CBFA2T2: variants seen among roughly 807,000 people sequenced by gnomAD.
CBFA2T2 encodes CBFA2/RUNX1 partner transcriptional co-repressor 2.
CBFA2T2 carries 11 observed loss-of-function variants against 62.2 expected under a neutral mutation model. The ratio of observed to expected loss-of-function variants is 0.18; its 90% CI spans 0.11 to 0.29. The LOEUF (loss-of-function observed/expected upper bound fraction) is 0.29. CBFA2T2 is among the 10% of genes least tolerant of loss of function. The pLI is 1.00. For synonymous variants in CBFA2T2, 295 were observed against 287.5 expected (o/e 1.03, Z -0.27); for missense variants, 592 against 774.1 (o/e 0.76, Z 2.79).
At chr20:33,621,120 T>C (rs1340156130) in intron 4 of CBFA2T2, among the ~76,000 whole-genome samples, 2 of 152,176 alleles carry the variant, frequency 1.3e-5, no homozygotes, top group Non-Finnish European at 2.9e-5. Context: ...AAGATAGTTA[T>C]TCTATCTGCG....
chr20:33,623,285 C>T lies in CBFA2T2; in HGVS notation c.681C>T (p.Pro227=). 1 of 1,614,208 alleles carries T rather than the reference C, an allele frequency of 6.2e-7. No individual in the cohort carries two copies. The highest frequency in any genetic ancestry group is 1.1e-5 in the South Asian group (1 of 91,084). The change falls in exon 5 of 11, where the codon CCC becomes CCT. Residue 227 remains proline, a synonymous_variant. Transcript: ENST00000342704. ...LMEVHGNGKR[P]SPERREENSF... Reference sequence around the variant, plus strand: ...AGGTGCACGGAAATGGGAAGAGGCCCAGTCCAGAGAGGTGAGCAGATGAGC... The same window carrying T: ...AGGTGCACGGAAATGGGAAGAGGCCTAGTCCAGAGAGGTGAGCAGATGAGC...
intron 1 of CBFA2T2, among the ~76,000 whole-genome samples, chr20:33,545,470 T>TTTCTTTCGTTCG (rs1209263074): frequency 4.6e-5 from 7 of 151,444 alleles, no homozygotes; most frequent in Admixed American, 1.3e-4. Context: ...TCTTTCTTTC[T>TTTCTTTCGTTCG]TTCGTTCGTT....
At chr20:33,577,706 G>A (rs79450408) in intron 1 of CBFA2T2, among the ~76,000 whole-genome samples, 2,006 of 152,218 alleles carry the variant, frequency 0.013, 38 homozygotes, top group African/African-American at 0.046. Context: ...TTTTGCTATA[G>A]TATGGTCTCT....
In CBFA2T2 at chr20:33,606,949, T is replaced by G; in HGVS notation, c.35-7T>G. The G allele has an allele frequency of 6.2e-7, 1 of 1,612,096 alleles. No homozygotes were observed. The highest frequency in any genetic ancestry group is 8.5e-7 in the Non-Finnish European group (1 of 1,178,968). ...ACCCTAACCTCCATTTCTCTGATTC[T>G]CTGCAGTTGGTCCTGAGAAAAGGGT... On this transcript the variant is annotated splice_region_variant and splice_polypyrimidine_tract_variant and intron_variant, in intron 1 of 10. Coordinates refer to ENST00000342704, the MANE Select transcript of CBFA2T2 (RefSeq NM_001032999.3).
rs1358376549 is a variant in CBFA2T2 at position 33,648,911 on chromosome 20, G to A, written c.*4265G>A. Reference sequence around the variant, plus strand: ...CTCGGCTTGTCACCTGCTTGCAAAGGGTATAGACATCATTCTGGGTAGTTC... The same window carrying A: ...CTCGGCTTGTCACCTGCTTGCAAAGAGTATAGACATCATTCTGGGTAGTTC... On this transcript the variant is annotated 3_prime_UTR_variant, in exon 11 of 11. Transcript: ENST00000342704. The A allele has an allele frequency of 2.0e-5, 3 of 152,058 alleles. No homozygotes were observed. The highest frequency in any genetic ancestry group is 2.0e-4 in the Admixed American group (3 of 15,254). 9.4% of individuals were successfully genotyped at this position (152,058 alleles called of 1,614,324 possible). A position where few individuals can be genotyped will look rare whatever the true frequency, so the allele number is the denominator to read the frequency against.
At chr20:33,571,261 C>T (rs34145153) in intron 1 of CBFA2T2, among the ~76,000 whole-genome samples, 44,586 of 152,070 alleles carry the variant, frequency 0.29, 6,707 homozygotes, top group East Asian at 0.35. Context: ...GTTTAAGGCT[C>T]TTCAACTTTT....
intron 1 of CBFA2T2, among the ~76,000 whole-genome samples, chr20:33,545,771 A>G (rs547822288): frequency 3.7e-4 from 56 of 152,340 alleles, no homozygotes; most frequent in African/African-American, 1.2e-3. Context: ...TTTGCAGTCT[A>G]CCATAGAAAA....
At chr20:33,496,620 T>C (rs1469736804) in intron 1 of CBFA2T2, among the ~76,000 whole-genome samples, 2 of 152,218 alleles carry the variant, frequency 1.3e-5, no homozygotes, top group African/African-American at 4.8e-5. Flanking sequence ...AAAAACTTGG[T>C]TACAAATGTT....
At chr20:33,589,831 AC>A (rs1783647074) in intron 1 of CBFA2T2, among the ~76,000 whole-genome samples, 1 of 152,156 alleles carries the variant, frequency 6.6e-6, no homozygotes, top group Non-Finnish European at 1.5e-5. Flanking sequence ...TATTCTTGTA[AC>A]CTTATTTTTT....
chr20:33,558,240 T>C (rs1264900261), intron 1 of CBFA2T2, among the ~76,000 whole-genome samples: 6 of 152,044 alleles, frequency 3.9e-5, no homozygotes, highest in Non-Finnish European at 7.4e-5. Flanking sequence ...CAAGCGATTC[T>C]CCTGCCTCGG....
At chr20:33,605,690 T>C (rs1375731823) in intron 1 of CBFA2T2, among the ~76,000 whole-genome samples, 1 of 152,186 alleles carries the variant, frequency 6.6e-6, no homozygotes, top group Non-Finnish European at 1.5e-5. Context: ...TCAGCTCTAC[T>C]TTTCATCTTT....
intron 1 of CBFA2T2, among the ~76,000 whole-genome samples, chr20:33,574,676 GGGAAGCCTGACTTCATT>G (rs2013741666): frequency 6.6e-6 from 1 of 152,188 alleles, no homozygotes; most frequent in African/African-American, 2.4e-5. Flanking sequence ...TTTTTAAGCA[GGGAAGCCTGACTTCATT>G]GGCATTTTGA....
intron 1 of CBFA2T2, among the ~76,000 whole-genome samples, chr20:33,592,110 C>A (rs1338094360): frequency 6.6e-6 from 1 of 152,066 alleles, no homozygotes; most frequent in East Asian, 1.9e-4. Flanking sequence ...TGCCTGTTAT[C>A]TCAGCACTTT....
At chr20:33,550,870 C>A (rs931921809) in intron 1 of CBFA2T2, among the ~76,000 whole-genome samples, 6 of 152,068 alleles carry the variant, frequency 3.9e-5, no homozygotes, top group Non-Finnish European at 8.8e-5. Context: ...GATCCGTCCC[C>A]TCTCGGCTTC....
rs116153016 is a variant in CBFA2T2, at chr20:33,555,231, C to T, written c.35-51725C>T. Among the ~76,000 whole-genome samples the T allele has an allele frequency of 7.5e-4, 114 of 151,890 alleles. 1 individual carries two copies. Among genetic ancestry groups the T allele is most frequent in the African/African-American group, 2.7e-3 (111 of 41,374 alleles). On this transcript the variant is annotated intron_variant, in intron 1 of 10. Transcript: ENST00000342704. ...ATTGGGCTTCAGTTTGCTTACTAGGCACTGGAGCCAGCTGTCTCAGCCTAA... is the reference window on the plus strand; with the variant it reads ...ATTGGGCTTCAGTTTGCTTACTAGGTACTGGAGCCAGCTGTCTCAGCCTAA...
In CBFA2T2 at chr20:33,630,506, T is replaced by TC. The variant is rs1183613046; in HGVS notation, c.1228+594dup. ...CACCATTCAGGAAAATACCACTCAA[T>TC]CCACCATGGCCTGGTGGCCTCCTAC... is the stretch of plus-strand genomic sequence containing the variant. On this transcript the variant is annotated intron_variant, in intron 8 of 10. Coordinates refer to ENST00000342704, the MANE Select transcript of CBFA2T2 (RefSeq NM_001032999.3). 7.9e-5 allele frequency among the ~76,000 whole-genome samples: 12 copies of TC among 152,176 alleles called. No individual in the cohort carries two copies. In the East Asian group the frequency reaches 2.3e-3, roughly 29 times the overall value.
intron 1 of CBFA2T2, among the ~76,000 whole-genome samples, chr20:33,599,286 C>A (rs2015023956): frequency 6.6e-6 from 1 of 152,008 alleles, no homozygotes; most frequent in Non-Finnish European, 1.5e-5. Context: ...CTGTGGCCCA[C>A]TGTCCATTTT....
At chr20:33,518,349 G>T (rs2011640768) in intron 1 of CBFA2T2, among the ~76,000 whole-genome samples, 1 of 152,030 alleles carries the variant, frequency 6.6e-6, no homozygotes, top group South Asian at 2.1e-4. Flanking sequence ...TGCCATTGTG[G>T]GATAAAATTA....
In CBFA2T2 at chr20:33,629,890, G is replaced by C. The variant is rs2016387649; in HGVS notation, c.1204G>C (p.Gly402Arg). 1.9e-6 allele frequency: 3 copies of C among 1,613,228 alleles called. No homozygotes were observed. In the East Asian group the frequency reaches 6.7e-5, roughly 36 times the overall value. ...TELVSRQHSP[G>R]SADSLSNDSQ... Reference sequence around the variant, plus strand: ...GTTGGTCTCCAGGCAGCACAGCCCTGGGAGTGCAGATTCTCTCAGCAATGG... The same window carrying C: ...GTTGGTCTCCAGGCAGCACAGCCCTCGGAGTGCAGATTCTCTCAGCAATGG... Residue 402 changes from glycine (G) to arginine (R), a missense_variant, in exon 8 of 11, where the codon GGG becomes CGG. Physicochemically the swap from Gly to Arg is moderately radical, Grantham distance 125. Transcript: ENST00000342704.
Sources: gnomAD v4.1 joint callset for allele counts (sites outside exome capture counted in the v4.1 genomes callset) on GRCh38, gnomAD v4.1.1 for gene constraint, MANE v1.5 for transcripts, NCBI Gene and HGNC (gene_info 2026-07-23, HGNC 2026-07-21) for gene names.